PARD3: variants seen among roughly 807,000 people sequenced by gnomAD.
The protein encoded by PARD3 is partitioning defective 3 homolog.
Under a neutral mutation model 155.4 loss-of-function variants are expected in PARD3, and 75 were observed. The observed-to-expected ratio is 0.48, with a 90% confidence interval of 0.40 to 0.58. The LOEUF (loss-of-function observed/expected upper bound fraction) is 0.58, where lower values mean the gene tolerates loss of function less well. PARD3 is among the 20% of genes least tolerant of loss of function. The pLI, the probability that PARD3 is intolerant of heterozygous loss-of-function variation, is 0.00. For synonymous variants in PARD3, 576 were observed against 610.5 expected (o/e 0.94, Z 0.83); for missense variants, 1,642 against 1,721.7 (o/e 0.95, Z 0.82).
intron 1 of PARD3, among the ~76,000 whole-genome samples, chr10:34,714,582 A>AG (rs1336058490): frequency 6.6e-6 from 1 of 152,098 alleles, no homozygotes; most frequent in East Asian, 1.9e-4. Flanking sequence ...CTAAGGACGG[A>AG]GGGGCCTGTT....
chr10:34,111,476 T>C lies in PARD3; in HGVS notation c.3755A>G (p.Glu1252Gly), dbSNP rs200341470. Residue 1252 changes from glutamate to glycine, a missense_variant, in exon 25 of 25, where the codon GAG (glutamate) becomes GGG (glycine). Glu to Gly is a moderately conservative substitution (Grantham distance 98, BLOSUM62 -2). This residue lies in a region of PARD3 where 1,529 missense variants were observed against 1,587.3 expected (regional missense o/e 0.96). Coordinates refer to ENST00000374788, the MANE Select transcript of PARD3 (RefSeq NM_001184785.2). ...TTGGTAGCTGGAGTACCTGGGGTTC[T>C]CTTTGGCACTCTGGAAGCCTTCCCC... The part of the protein sequence containing the change: ...SPGEGFQSAK[E>G]NPRYSSYQGS... 3.7e-6 allele frequency: 6 copies of C among 1,614,172 alleles called. No homozygotes were observed. The African/African-American group carries it at 8.0e-5, about 22-fold the overall frequency.
At chr10:34,451,286 A>T (rs1386334044) in intron 4 of PARD3, among the ~76,000 whole-genome samples, 1 of 152,198 alleles carries the variant, frequency 6.6e-6, no homozygotes, top group Non-Finnish European at 1.5e-5. Flanking sequence ...TAGTTCAAAG[A>T]CGAAATCTAA....
intron 22 of PARD3, among the ~76,000 whole-genome samples, chr10:34,172,266 T>G (rs1949832275): frequency 6.6e-6 from 1 of 152,124 alleles, no homozygotes; most frequent in Non-Finnish European, 1.5e-5. Flanking sequence ...AAACTCCAAG[T>G]GCTGGGAAAA....
chr10:34,137,408 C>T (rs1192764154), intron 22 of PARD3, among the ~76,000 whole-genome samples: 4 of 152,164 alleles, frequency 2.6e-5, no homozygotes, highest in African/African-American at 7.2e-5. Flanking sequence ...TGTGAGAACC[C>T]AGTCTGGCTG....
chr10:34,527,902 A>T (rs138359925), intron 2 of PARD3, among the ~76,000 whole-genome samples: 1,833 of 152,338 alleles, frequency 0.012, 16 homozygotes, highest in Middle Eastern at 0.041. Flanking sequence ...CAAAGGAGAG[A>T]TAACGGTGTC....
At chr10:34,225,514 T>A (rs1952549412) in intron 22 of PARD3, among the ~76,000 whole-genome samples, 1 of 152,116 alleles carries the variant, frequency 6.6e-6, no homozygotes. Flanking sequence ...CCCAGCTAAT[T>A]TTTGTATTTC....
At chr10:34,756,781 T>C (rs1162127476) in intron 1 of PARD3, among the ~76,000 whole-genome samples, 1 of 152,152 alleles carries the variant, frequency 6.6e-6, no homozygotes, top group East Asian at 1.9e-4. Flanking sequence ...AAAGACAATC[T>C]CTGTCCTTTG....
intron 2 of PARD3, among the ~76,000 whole-genome samples, chr10:34,540,873 A>G (rs1297054434): frequency 2.0e-5 from 3 of 152,198 alleles, no homozygotes; most frequent in African/African-American, 7.2e-5. Context: ...TATTGTTTCC[A>G]TGAGAAAATA....
chr10:34,607,190 C>T (rs956833209), intron 2 of PARD3, among the ~76,000 whole-genome samples: 7 of 152,076 alleles, frequency 4.6e-5, no homozygotes, highest in African/African-American at 9.7e-5. Context: ...CCTATCCCAC[C>T]CACAAAGTCA....
chr10:34,136,016 T>C (rs1320839443), intron 22 of PARD3, among the ~76,000 whole-genome samples: 4 of 152,334 alleles, frequency 2.6e-5, no homozygotes, highest in African/African-American at 9.6e-5. Context: ...TTTAAAATGT[T>C]CACTTACTTT....
chr10:34,128,723 T>A (rs932863457), intron 23 of PARD3, among the ~76,000 whole-genome samples: 37 of 152,344 alleles, frequency 2.4e-4, no homozygotes, highest in African/African-American at 7.0e-4. Context: ...ACTAAATCCC[T>A]TAATGAGCAG....
intron 2 of PARD3, among the ~76,000 whole-genome samples, chr10:34,661,695 G>A (rs2093329840): frequency 6.6e-6 from 1 of 152,136 alleles, no homozygotes; most frequent in Admixed American, 6.6e-5. Flanking sequence ...CCATCATCTG[G>A]CCTTCATCCA....
intron 5 of PARD3, among the ~76,000 whole-genome samples, chr10:34,442,127 A>G (rs1327552588): frequency 6.6e-6 from 1 of 152,210 alleles, no homozygotes; most frequent in Non-Finnish European, 1.5e-5. Flanking sequence ...TCCTTTCCAC[A>G]GAACTTTTAG....
At chr10:34,523,303 ATC>A (rs1254821941) in intron 2 of PARD3, among the ~76,000 whole-genome samples, 1 of 152,204 alleles carries the variant, frequency 6.6e-6, no homozygotes, top group Non-Finnish European at 1.5e-5. Context: ...CCTGTGAGCA[ATC>A]TCTCACTTTC....
chr10:34,732,584 G>C (rs1386563320), intron 1 of PARD3, among the ~76,000 whole-genome samples: 2 of 152,126 alleles, frequency 1.3e-5, no homozygotes, highest in Non-Finnish European at 2.9e-5. Flanking sequence ...TGTAGTTCCA[G>C]CTGTTTGGGA....
rs562049226 is a variant in PARD3, at chr10:34,598,313, C to T, written c.223-81154G>A. Among the ~76,000 whole-genome samples, 64 of 152,084 alleles carry T rather than the reference C, an allele frequency of 4.2e-4. 1 individual carries two copies. The highest frequency in any genetic ancestry group is 1.4e-3 in the African/African-American group (60 of 41,486). On this transcript the variant is annotated intron_variant, in intron 2 of 24. Transcript: ENST00000374788. ...CAATTACCACAAAAAAATGATATTA[C>T]AAATATAGGGAAGGTGGAATTTTAA...
rs909405011 is a variant in PARD3, at chr10:34,470,118, G to A, written c.549C>T (p.Asn183=). 1 of 1,612,676 alleles carries A rather than the reference G, an allele frequency of 6.2e-7. No homozygotes were observed. The highest frequency in any genetic ancestry group is 8.5e-7 in the Non-Finnish European group (1 of 1,179,426). ...WSTTAGFLKQ[N]TAGSPKTCDR... ...CGCAGGTTTTAGGACTCCCAGCAGT[G>A]TTCTGCTTGAGGAAGCCAGCTGTTG... The change falls in exon 4 of 25, where the codon AAC becomes AAT. Residue 183 remains asparagine (N), a synonymous_variant. Transcript: ENST00000374788.
rs149894436 is a variant in PARD3, at chr10:34,270,036, G to A, written c.3177-137C>T. 3.8e-5 allele frequency: 31 copies of A among 806,350 alleles called. No individual in the cohort carries two copies. The East Asian group carries it at 7.5e-4, about 19-fold the overall frequency. 49.9% of individuals were successfully genotyped at this position (806,350 alleles called of 1,614,324 possible). A position where few individuals can be genotyped will look rare whatever the true frequency, so the allele number is the denominator to read the frequency against. On this transcript the variant is annotated intron_variant, in intron 21 of 24. Coordinates refer to ENST00000374788, the MANE Select transcript of PARD3 (RefSeq NM_001184785.2). Reference sequence around the variant, plus strand: ...TAGAAGATCAGTGGTATAAATGACAGGTCATACACATTCTAGATTGTTAAG... The same window carrying A: ...TAGAAGATCAGTGGTATAAATGACAAGTCATACACATTCTAGATTGTTAAG...
At chr10:34,455,633 C>A (rs1014319557) in intron 4 of PARD3, among the ~76,000 whole-genome samples, 5 of 151,992 alleles carry the variant, frequency 3.3e-5, no homozygotes, top group African/African-American at 1.2e-4. Flanking sequence ...GACTCACACA[C>A]ACAAAACGCA....
Sources: gnomAD v4.1 joint callset for allele counts (sites outside exome capture counted in the v4.1 genomes callset) on GRCh38, gnomAD v4.1.1 for gene constraint, gnomAD v4.1.1 regional missense constraint, MANE v1.5 for transcripts, NCBI Gene and HGNC (gene_info 2026-07-23, HGNC 2026-07-21) for gene names.